KCTD13: variants seen among roughly 807,000 people sequenced by gnomAD.
The protein encoded by KCTD13 is BTB/POZ domain-containing adapter for CUL3-mediated RhoA degradation protein 1.
In KCTD13, 15 loss-of-function variants were observed where a neutral mutation model predicts 32.3. That is an observed-to-expected ratio of 0.46 (90% CI 0.31 to 0.71). The LOEUF (loss-of-function observed/expected upper bound fraction) is 0.71, where lower values mean the gene tolerates loss of function less well. Among genes scored for constraint, KCTD13 ranks in the 30% least tolerant of loss-of-function variants. The probability of loss-of-function intolerance (pLI) is 0.05; values close to 1 mark genes in which losing one functional copy is unlikely to be tolerated. For missense variants in KCTD13, 337 were observed against 452.6 expected (o/e 0.74, Z 2.32); for synonymous variants, 189 against 200.1 (o/e 0.94, Z 0.47).
In KCTD13 at chr16:29,926,224, G is replaced by C. The variant is rs1326960973; in HGVS notation, c.-191C>G. 1 of 578,218 alleles carries C rather than the reference G, an allele frequency of 1.7e-6. No individual in the cohort carries two copies. Among genetic ancestry groups the C allele is most frequent in the Admixed American group, 4.3e-5 (1 of 23,202 alleles). The allele number at this position is 578,218 out of a possible 1,614,324, so 35.8% of individuals were successfully genotyped here. A position where few individuals can be genotyped will look rare whatever the true frequency, so the allele number is the denominator to read the frequency against. ...ACCACCCGGAAGCCGGCGCCGGGCA[G>C]CTGCGCAGGCGCGGCCCCGCCCCTG... is the stretch of plus-strand genomic sequence containing the variant. On this transcript the variant is annotated 5_prime_UTR_variant, in exon 1 of 6. Coordinates refer to ENST00000568000, the MANE Select transcript of KCTD13 (RefSeq NM_178863.5).
At chr16:29,925,632 G>A in intron 1 of KCTD13, 158 bp downstream of exon 1, 2 of 674,232 alleles carry the variant, frequency 3.0e-6, no homozygotes, top group South Asian at 3.6e-5. Context: ...ATGAGAAAGG[G>A]GAGGAGATGG....
At chr16:29,925,645 T>G in intron 1 of KCTD13, 145 bp downstream of exon 1, 1 of 709,996 alleles carries the variant, frequency 1.4e-6, no homozygotes, top group East Asian at 2.8e-5. Flanking sequence ...GGAGATGGGA[T>G]GTGGGGGCTG....
chr16:29,910,137 C>T (rs1410010980), intron 5 of KCTD13, among the ~76,000 whole-genome samples: 1 of 150,124 alleles, frequency 6.7e-6, no homozygotes, highest in East Asian at 2.0e-4. Flanking sequence ...CAGTGGCTCA[C>T]GCTTGTAATC....
intron 2 of KCTD13, among the ~76,000 whole-genome samples, chr16:29,916,900 G>A (rs1597022965): frequency 1.3e-5 from 2 of 152,158 alleles, no homozygotes; most frequent in East Asian, 1.9e-4. Flanking sequence ...CTATGGCGGG[G>A]AGTCTGTGCT....
intron 2 of KCTD13, among the ~76,000 whole-genome samples, chr16:29,916,582 G>A (rs528413823): frequency 8.1e-4 from 124 of 152,280 alleles, no homozygotes; most frequent in African/African-American, 2.9e-3. Flanking sequence ...TAAAACAACA[G>A]TCCAGGTGTG....
chr16:29,923,771 T>C (rs563139568), intron 1 of KCTD13, among the ~76,000 whole-genome samples: 29 of 151,966 alleles, frequency 1.9e-4, no homozygotes, highest in African/African-American at 6.5e-4. Flanking sequence ...GGAGAATCGC[T>C]TGAAGCCGGG....
At chr16:29,922,700 T>TAATGA in intron 2 of KCTD13, 1 of 274,134 alleles carries the variant, frequency 3.6e-6, no homozygotes, top group Non-Finnish European at 6.7e-6. Context: ...TTCATTTGAA[T>TAATGA]AAAGAATTTC....
intron 2 of KCTD13, chr16:29,920,871 A>G (rs1375181191): frequency 6.6e-6 from 1 of 152,234 alleles, no homozygotes; most frequent in East Asian, 1.9e-4. Context: ...CCTGTTATCC[A>G]GCAATTCTAC....
chr16:29,909,688 C>CTT (rs760949977), intron 5 of KCTD13, among the ~76,000 whole-genome samples: 2 of 142,958 alleles, frequency 1.4e-5, no homozygotes. Flanking sequence ...CTGAGTTTCC[C>CTT]TTTTTTTTTT....
rs557359011 is a variant in KCTD13, at chr16:29,907,220, T to C, written c.754-112A>G. On this transcript the variant is annotated intron_variant, in intron 5 of 5. Coordinates refer to ENST00000568000, the MANE Select transcript of KCTD13 (RefSeq NM_178863.5). ...ACCTCCTAGCCCTGCAGTCAGGTCC[T>C]TGGGCCTGGCCTGGCCTCTCTGCCA... The C allele has an allele frequency of 2.4e-4, 174 of 726,672 alleles. 1 individual carries two copies. The Middle Eastern group carries it at 4.9e-3, about 21-fold the overall frequency. The allele number at this position is 726,672 out of a possible 1,614,324, so 45.0% of individuals were successfully genotyped here. A position where few individuals can be genotyped will look rare whatever the true frequency, so the allele number is the denominator to read the frequency against.
At chr16:29,925,425 G>T (rs1027177159) in intron 1 of KCTD13, 1 of 306,366 alleles carries the variant, frequency 3.3e-6, no homozygotes, top group Non-Finnish European at 6.3e-6. Flanking sequence ...ACTGAGGAAG[G>T]CTGCCAGGAG....
rs574753177 is a variant in KCTD13, at chr16:29,907,991, AAGAGAG to A, written c.754-889_754-884del. On this transcript the variant is annotated intron_variant, in intron 5 of 5. Transcript: ENST00000568000. ...AGACCTCATCTATTAAAAAAAAAAA[AAGAGAG>A]AGAGAGAGAAAGAGATACATCAGGA... 1.7e-4 allele frequency among the ~76,000 whole-genome samples: 26 copies of A among 151,374 alleles called. 1 individual carries two copies. In the East Asian group the frequency reaches 5.0e-3, roughly 29 times the overall value.
At chr16:29,912,257 C>A in intron 2 of KCTD13, 1 of 595,874 alleles carries the variant, frequency 1.7e-6, no homozygotes. Context: ...TTCACACATC[C>A]AGCTTGTGCC....
At chr16:29,911,559 T>C in intron 4 of KCTD13, 2 of 591,244 alleles carry the variant, frequency 3.4e-6, no homozygotes, top group South Asian at 4.1e-5. Context: ...TGCCAGTTCC[T>C]AGAATGAGAG....
At chr16:29,912,794 AT>A (rs1179787052) in intron 2 of KCTD13, among the ~76,000 whole-genome samples, 1 of 152,188 alleles carries the variant, frequency 6.6e-6, no homozygotes, top group Non-Finnish European at 1.5e-5. Context: ...AACTTTTTGT[AT>A]TTGTTTATGA....
Position 29,911,817 on chromosome 16 carries a change from G to C in KCTD13, c.555C>G (p.Thr185=). Reference sequence around the variant, plus strand: ...GTGCCCCGCACCCCGGCGGTCACCTGGTGTAGGAGTACTTGTTGTTACTGC... The same window carrying C: ...GTGCCCCGCACCCCGGCGGTCACCTCGTGTAGGAGTACTTGTTGTTACTGC... ...HNRSNNKYSY[T]STSDDNLLKN... is the part of the protein sequence containing the mutation. The change falls in exon 4 of 6, where the codon ACC becomes ACG. Residue 185 remains threonine (T), a splice_region_variant and synonymous_variant. Coordinates refer to ENST00000568000, the MANE Select transcript of KCTD13 (RefSeq NM_178863.5). The C allele has an allele frequency of 6.2e-7, 1 of 1,612,660 alleles. No individual in the cohort carries two copies.
intron 5 of KCTD13, 83 bp downstream of exon 5, chr16:29,910,895 C>G: frequency 7.4e-7 from 1 of 1,350,274 alleles, no homozygotes; most frequent in Non-Finnish European, 1.0e-6. Flanking sequence ...TGGTGGGCTC[C>G]TTCCCCTGCC....
Position 29,906,504 on chromosome 16 carries a change from CG to C in KCTD13, c.*367del, listed in dbSNP as rs1567437602. On this transcript the variant is annotated 3_prime_UTR_variant, in exon 6 of 6. Transcript: ENST00000568000. Reference sequence around the variant, plus strand: ...AGGGGGCGGACTACCCTGCAGGACGCGGGAGGCTGCTCAGACTGTGGTGATG... The same window carrying C: ...AGGGGGCGGACTACCCTGCAGGACGCGGAGGCTGCTCAGACTGTGGTGATG... The C allele has an allele frequency of 1.1e-5, 5 of 474,476 alleles. No individual in the cohort carries two copies. Among genetic ancestry groups the C allele is most frequent in the Admixed American group, 2.3e-5 (1 of 43,020 alleles). 29.4% of individuals were successfully genotyped at this position (474,476 alleles called of 1,614,324 possible).
At chr16:29,912,128 T>C (rs2068724474) in intron 2 of KCTD13, 79 bp from the exon 3 acceptor site, 3 of 994,502 alleles carry the variant, frequency 3.0e-6, no homozygotes, top group Admixed American at 4.4e-5. Context: ...CAAAAGCTGG[T>C]TGGGAACAAC....
Sources: allele counts gnomAD v4.1 joint callset (sites outside exome capture counted in the v4.1 genomes callset), GRCh38; gene constraint gnomAD v4.1.1; transcripts MANE v1.5; gene names NCBI Gene and HGNC (gene_info 2026-07-23, HGNC 2026-07-21).